Variants in CCDC171 observed in about 807,000 individuals in gnomAD.
The protein encoded by CCDC171 is coiled-coil domain containing 171.
CCDC171 carries 177 observed loss-of-function variants against 168.2 expected under a neutral mutation model. The ratio of observed to expected loss-of-function variants is 1.05; its 90% CI spans 0.93 to 1.19. The LOEUF (loss-of-function observed/expected upper bound fraction) is 1.19. Among genes scored for constraint, CCDC171 ranks in the 50% most tolerant of loss-of-function variants. The probability of loss-of-function intolerance (pLI) is 0.00; values close to 1 mark genes in which losing one functional copy is unlikely to be tolerated. For synonymous variants in CCDC171, 687 were observed against 540.8 expected, an observed-to-expected ratio of 1.27 and a Z score of -3.75; for missense variants, 1,991 against 1,539.0, an observed-to-expected ratio of 1.29 and a Z score of -4.91.
intron 1 of CCDC171, among the ~76,000 whole-genome samples, chr9:16,044,572 G>A (rs1833626708): frequency 6.6e-6 from 1 of 150,790 alleles, no homozygotes; most frequent in Non-Finnish European, 1.5e-5. Context: ...GTTGTGGAAG[G>A]AATTCTCTGC....
At chr9:15,662,105 C>T (rs1019287405) in intron 8 of CCDC171, among the ~76,000 whole-genome samples, 6 of 152,180 alleles carry the variant, frequency 3.9e-5, no homozygotes, top group East Asian at 1.9e-4. Context: ...GGCGAAACCC[C>T]GTCTCTGCTA....
chr9:15,795,720 A>G (rs1257554837), intron 21 of CCDC171, among the ~76,000 whole-genome samples: 1 of 152,202 alleles, frequency 6.6e-6, no homozygotes, highest in Non-Finnish European at 1.5e-5. Flanking sequence ...CTACTATGAA[A>G]TGTGGATGAG....
At chr9:15,650,148 G>A (rs917861792) in intron 7 of CCDC171, among the ~76,000 whole-genome samples, 1 of 152,092 alleles carries the variant, frequency 6.6e-6, no homozygotes, top group Non-Finnish European at 1.5e-5. Context: ...CTATTGCAAG[G>A]ACAAAAAACC....
chr9:15,641,201 G>A (rs932116188), intron 7 of CCDC171, among the ~76,000 whole-genome samples: 19 of 152,048 alleles, frequency 1.2e-4, no homozygotes, highest in Admixed American at 4.6e-4. Flanking sequence ...TTATTGATAC[G>A]TTTGGGGTAA....
At chr9:15,721,378 T>A (rs1452450922) in intron 11 of CCDC171, among the ~76,000 whole-genome samples, 1 of 151,900 alleles carries the variant, frequency 6.6e-6, no homozygotes, top group African/African-American at 2.4e-5. Context: ...ACAATGGTAA[T>A]GTATACTTCA....
chr9:15,831,626 C>G (rs1199453970), intron 21 of CCDC171, among the ~76,000 whole-genome samples: 2 of 152,128 alleles, frequency 1.3e-5, no homozygotes, highest in African/African-American at 4.8e-5. Flanking sequence ...GCATGTTAAG[C>G]ACATGTACCC....
chr9:15,565,273 C>T (rs1008459964), intron 2 of CCDC171, among the ~76,000 whole-genome samples: 3 of 151,986 alleles, frequency 2.0e-5, no homozygotes, highest in African/African-American at 4.8e-5. Context: ...TATGTATTTA[C>T]AAATTAGAAT....
At chr9:15,585,379 A>G (rs2041475666) in intron 4 of CCDC171, among the ~76,000 whole-genome samples, 1 of 152,240 alleles carries the variant, frequency 6.6e-6, no homozygotes, top group Non-Finnish European at 1.5e-5. Flanking sequence ...TTTGTGTTAT[A>G]TAATGAAATG....
chr9:15,971,103 G>A (rs1422142821), intron 25 of CCDC171, among the ~76,000 whole-genome samples: 1 of 152,108 alleles, frequency 6.6e-6, no homozygotes, highest in Non-Finnish European at 1.5e-5. Flanking sequence ...CCATTTTCTA[G>A]AGGTCACTGG....
chr9:15,808,311 C>G (rs2059168005), intron 21 of CCDC171, among the ~76,000 whole-genome samples: 1 of 152,158 alleles, frequency 6.6e-6, no homozygotes. Flanking sequence ...TACGGTAATA[C>G]TAATTTGCCT....
intron 8 of CCDC171, among the ~76,000 whole-genome samples, chr9:15,663,986 A>G (rs1290851492): frequency 6.6e-6 from 1 of 152,186 alleles, no homozygotes; most frequent in Non-Finnish European, 1.5e-5. Context: ...ACTGGAGGCC[A>G]TTATCTTAAG....
At chr9:15,755,809 TG>T (rs1564352343) in intron 18 of CCDC171, among the ~76,000 whole-genome samples, 1 of 152,140 alleles carries the variant, frequency 6.6e-6, no homozygotes, top group African/African-American at 2.4e-5. Flanking sequence ...TAAGGGAGTA[TG>T]GGAAGTGACT....
At chr9:15,942,640 A>G (rs963531178) in intron 25 of CCDC171, among the ~76,000 whole-genome samples, 3 of 151,906 alleles carry the variant, frequency 2.0e-5, no homozygotes, top group Non-Finnish European at 4.4e-5. Context: ...AATGCAAAGA[A>G]TGGAAGAAAT....
chr9:16,081,744 G>T, the CCDC171 span, among the ~76,000 whole-genome samples: 3 of 151,906 alleles, frequency 2.0e-5, no homozygotes, highest in Non-Finnish European at 2.9e-5. Context: ...CTGTGGTCTT[G>T]CCAGGTATAG....
At chr9:15,568,878 C>T (rs2039971350) in intron 2 of CCDC171, among the ~76,000 whole-genome samples, 1 of 151,924 alleles carries the variant, frequency 6.6e-6, no homozygotes, top group Non-Finnish European at 1.5e-5. Flanking sequence ...TTTCTTTTGC[C>T]ACGAAGAAGC....
chr9:15,659,636 A>G (rs960747664), intron 8 of CCDC171, among the ~76,000 whole-genome samples: 2 of 152,216 alleles, frequency 1.3e-5, no homozygotes, highest in Non-Finnish European at 2.9e-5. Context: ...AATAAAATAT[A>G]TGCACTTATT....
chr9:15,910,368 G>T (rs374897863), intron 24 of CCDC171, among the ~76,000 whole-genome samples: 100 of 152,254 alleles, frequency 6.6e-4, no homozygotes, highest in African/African-American at 2.2e-3. Context: ...TCAAAGATCA[G>T]TTGGCTGTAG....
At chr9:15,716,223 G>A (rs2053076072) in intron 11 of CCDC171, among the ~76,000 whole-genome samples, 1 of 152,170 alleles carries the variant, frequency 6.6e-6, no homozygotes, top group African/African-American at 2.4e-5. Flanking sequence ...TTGAGTTGAT[G>A]TTATTCAAGT....
In CCDC171 at chr9:15,572,737, A is replaced by G. The variant is rs1036195905; in HGVS notation, c.177+978A>G. Among the ~76,000 whole-genome samples, 3 of 152,184 alleles carry G rather than the reference A, an allele frequency of 2.0e-5. No individual in the cohort carries two copies. The South Asian group carries it at 6.2e-4, about 32-fold the overall frequency. On this transcript the variant is annotated intron_variant, in intron 3 of 25. Coordinates refer to ENST00000380701, the MANE Select transcript of CCDC171 (RefSeq NM_173550.4). ...GATATTTTAGAACTAAAACATTTATATCATGCTTTCCTGCTCTTCTTTAGT... is the reference window on the plus strand; with the variant it reads ...GATATTTTAGAACTAAAACATTTATGTCATGCTTTCCTGCTCTTCTTTAGT...
Sources: gnomAD v4.1 joint callset for allele counts (sites outside exome capture counted in the v4.1 genomes callset) on GRCh38, gnomAD v4.1.1 for gene constraint, MANE v1.5 for transcripts, NCBI Gene and HGNC (gene_info 2026-07-23, HGNC 2026-07-21) for gene names.